The following CLEC11A variants were observed in gnomAD, a reference collection of about 807,000 sequenced individuals.
The protein encoded by CLEC11A is C-type lectin domain family 11 member A.
CLEC11A carries 35 observed loss-of-function variants against 33.9 expected under a neutral mutation model. The ratio of observed to expected loss-of-function variants is 1.03; its 90% confidence interval spans 0.79 to 1.37. The LOEUF is 1.37. CLEC11A is among the 40% of genes most tolerant of loss of function. The pLI is 0.00. For synonymous variants in CLEC11A, 220 were observed against 202.2 expected, an observed-to-expected ratio of 1.09 and a Z score of -0.75; for missense variants, 519 against 455.5, an observed-to-expected ratio of 1.14 and a Z score of -1.27.
At position 50,723,516 on chromosome 19, in the gene CLEC11A, G is replaced by A; in HGVS notation, c.-10G>A. 6.2e-7 allele frequency: 1 copy of A among 1,612,132 alleles called. No individual in the cohort carries two copies. Among genetic ancestry groups the A allele is most frequent in the South Asian group, 1.1e-5 (1 of 90,982 alleles). On this transcript the variant is annotated 5_prime_UTR_variant, in exon 1 of 4. Transcript: ENST00000250340. The surrounding 1 kb of genome is among the most constrained non-coding windows in gnomAD (Gnocchi z 4.1). The stretch of plus-strand genomic sequence containing the variant: ...ACATCTGGAACTTTGGGTGCCAAGA[G>A]TCCAGCTTAATGCAGGCAGCCTGGC...
In CLEC11A at chr19:50,724,297, C is replaced by T. The variant is rs2089166082; in HGVS notation, c.335-113C>T. On this transcript the variant is annotated intron_variant, in intron 2 of 3. Transcript: ENST00000250340. The surrounding 1 kb of genome is among the most constrained non-coding windows in gnomAD (Gnocchi z 4.1). Reference sequence around the variant, plus strand: ...CCTACCTTCCAGGAGTCCGGGGTGCCCCCCCCACCGCCACCCCGCCCTCAG... The same window carrying T: ...CCTACCTTCCAGGAGTCCGGGGTGCTCCCCCCACCGCCACCCCGCCCTCAG... 2 of 1,157,782 alleles carry T rather than the reference C, an allele frequency of 1.7e-6. No individual in the cohort carries two copies. Among genetic ancestry groups the T allele is most frequent in the Non-Finnish European group, 2.4e-6 (2 of 848,698 alleles). The allele number at this position is 1,157,782 out of a possible 1,614,324, so 71.7% of individuals were successfully genotyped here.
rs987055896 is a variant in CLEC11A, at chr19:50,724,909, T to G, written c.527-113T>G. On this transcript the variant is annotated intron_variant, in intron 3 of 3. Transcript: ENST00000250340. This position sits in a 1 kb window ranked among gnomAD's most constrained non-coding sequence, Gnocchi z 4.1. ...TTCTGACCACGCCTCCTCCCAGCCC[T>G]CCCCATGAGTTCCTGGCCCCGCCTC... 13 of 1,345,620 alleles carry G rather than the reference T, an allele frequency of 9.7e-6. No homozygotes were observed. In the Admixed American group the frequency reaches 1.4e-4, roughly 15 times the overall value. 83.4% of individuals were successfully genotyped at this position (1,345,620 alleles called of 1,614,324 possible).
chr19:50,724,832 C>T lies in CLEC11A; in HGVS notation c.527-190C>T. On this transcript the variant is annotated intron_variant, in intron 3 of 3. Coordinates refer to ENST00000250340, the MANE Select transcript of CLEC11A (RefSeq NM_002975.3). The surrounding 1 kb of genome is among the most constrained non-coding windows in gnomAD (Gnocchi z 4.1). The stretch of plus-strand genomic sequence containing the variant: ...ACGCCCCCTACAGTCCAGCTCCCAC[C>T]GCCTGGCCCCGCCCCTGGCGGACCA... 2 of 1,376,336 alleles carry T rather than the reference C, an allele frequency of 1.5e-6. No individual in the cohort carries two copies. The highest frequency in any genetic ancestry group is 1.9e-6 in the Non-Finnish European group (2 of 1,062,936). The allele number at this position is 1,376,336 out of a possible 1,614,324, so 85.3% of individuals were successfully genotyped here. A position where few individuals can be genotyped will look rare whatever the true frequency, so the allele number is the denominator to read the frequency against.
At position 50,725,510 on chromosome 19, in the gene CLEC11A, C is replaced by CT. The variant is rs1568450422; in HGVS notation, c.*46dup. The CT allele has an allele frequency of 2.0e-6, 3 of 1,511,094 alleles. No homozygotes were observed. The East Asian group carries it at 7.2e-5, about 36-fold the overall frequency. 93.6% of individuals were successfully genotyped at this position (1,511,094 alleles called of 1,614,324 possible). A position where few individuals can be genotyped will look rare whatever the true frequency, so the allele number is the denominator to read the frequency against. ...CTCCCTGCCCATCCCACCACCCGGC[C>CT]TTTCCCTGCGCCGTGCCCACCCTCC... On this transcript the variant is annotated 3_prime_UTR_variant, in exon 4 of 4. Transcript: ENST00000250340.
Position 50,724,655 on chromosome 19 carries a change from G to A in CLEC11A, c.526+54G>A, listed in dbSNP as rs1367065074. The A allele has an allele frequency of 2.2e-6, 3 of 1,367,334 alleles. No individual in the cohort carries two copies. The highest frequency in any genetic ancestry group is 3.1e-5 in the African/African-American group (2 of 65,286). The allele number at this position is 1,367,334 out of a possible 1,614,324, so 84.7% of individuals were successfully genotyped here. A position where few individuals can be genotyped will look rare whatever the true frequency, so the allele number is the denominator to read the frequency against. On this transcript the variant is annotated intron_variant, in intron 3 of 3. Coordinates refer to ENST00000250340, the MANE Select transcript of CLEC11A (RefSeq NM_002975.3). The surrounding 1 kb of genome is among the most constrained non-coding windows in gnomAD (Gnocchi z 4.1). Reference sequence around the variant, plus strand: ...AAATGAGACTATCTGGGCCAGGAATGGGACTGGTTGAGAAGGTGACCCTAG... The same window carrying A: ...AAATGAGACTATCTGGGCCAGGAATAGGACTGGTTGAGAAGGTGACCCTAG...
chr19:50,724,162 G>C lies in CLEC11A; in HGVS notation c.334+71G>C. On this transcript the variant is annotated intron_variant, in intron 2 of 3. Coordinates refer to ENST00000250340, the MANE Select transcript of CLEC11A (RefSeq NM_002975.3). The surrounding 1 kb of genome is among the most constrained non-coding windows in gnomAD (Gnocchi z 4.1). ...GTCACTTTCGCAAAAATGAAGGGTCGGTTCACTGCCAAGTGGCCTTTCAGT... is the reference window on the plus strand; with the variant it reads ...GTCACTTTCGCAAAAATGAAGGGTCCGTTCACTGCCAAGTGGCCTTTCAGT... 1 of 1,601,926 alleles carries C rather than the reference G, an allele frequency of 6.2e-7. No homozygotes were observed.
chr19:50,725,077 C>G lies in CLEC11A; in HGVS notation c.582C>G (p.Phe194Leu). The G allele has an allele frequency of 6.6e-7, 1 of 1,521,286 alleles. No individual in the cohort carries two copies. The highest frequency in any genetic ancestry group is 8.8e-7 in the Non-Finnish European group (1 of 1,136,628). The allele number at this position is 1,521,286 out of a possible 1,614,324, so 94.2% of individuals were successfully genotyped here. A position where few individuals can be genotyped will look rare whatever the true frequency, so the allele number is the denominator to read the frequency against. The change falls in exon 4 of 4, where the codon TTC (phenylalanine) becomes TTG (leucine). Residue 194 changes from phenylalanine (F) to leucine (L), a missense_variant. Coordinates refer to ENST00000250340, the MANE Select transcript of CLEC11A (RefSeq NM_002975.3). ...AGTGCTTCCTGCTCTCGCGCGACTTCGAAGCTCAGGCGGCGGCGCAGGCGC... is the reference window on the plus strand; with the variant it reads ...AGTGCTTCCTGCTCTCGCGCGACTTGGAAGCTCAGGCGGCGGCGCAGGCGC... The part of the protein sequence containing the change: ...GHKCFLLSRD[F>L]EAQAAAQARC...
chr19:50,723,535 G>A lies in CLEC11A; in HGVS notation c.10G>A (p.Ala4Thr). 6.2e-7 allele frequency: 1 copy of A among 1,612,354 alleles called. No individual in the cohort carries two copies. The highest frequency in any genetic ancestry group is 8.5e-7 in the Non-Finnish European group (1 of 1,179,976). ...CCAAGAGTCCAGCTTAATGCAGGCA[G>A]CCTGGCTTTTGGGGGCTTTGGTGGT... MQAAWLLGALVVPQ... is the reference protein window; with the variant it reads MQATWLLGALVVPQ... The change falls in exon 1 of 4, where the codon GCC becomes ACC. Residue 4 changes from alanine (A) to threonine (T), a missense_variant. Coordinates refer to ENST00000250340, the MANE Select transcript of CLEC11A (RefSeq NM_002975.3). This position sits in a 1 kb window ranked among gnomAD's most constrained non-coding sequence, Gnocchi z 4.1.
chr19:50,725,651 C>A lies in CLEC11A; in HGVS notation c.*184C>A. Reference sequence around the variant, plus strand: ...GGCACTCCTCCTTGTTAGTGTCTTTCCTTGAAGGGGCGGGCACCAGGCTAG... The same window carrying A: ...GGCACTCCTCCTTGTTAGTGTCTTTACTTGAAGGGGCGGGCACCAGGCTAG... On this transcript the variant is annotated 3_prime_UTR_variant, in exon 4 of 4. Transcript: ENST00000250340. 8.9e-7 allele frequency: 1 copy of A among 1,125,712 alleles called. No individual in the cohort carries two copies. Among genetic ancestry groups the A allele is most frequent in the South Asian group, 1.7e-5 (1 of 58,930 alleles). 69.7% of individuals were successfully genotyped at this position (1,125,712 alleles called of 1,614,324 possible). A position where few individuals can be genotyped will look rare whatever the true frequency, so the allele number is the denominator to read the frequency against.
At position 50,725,151 on chromosome 19, in the gene CLEC11A, A is replaced by T. The variant is rs939980763; in HGVS notation, c.656A>T (p.Gln219Leu). Residue 219 changes from glutamine (Q) to leucine (L), a missense_variant, in exon 4 of 4, where the codon CAG becomes CTG. Transcript: ENST00000250340. The part of the protein sequence containing the change: ...GSLAQPADRQ[Q>L]MEALTRYLRA... ...CTGGCGCAGCCGGCAGACCGCCAGCAGATGGAGGCGCTCACTCGGTACCTG... is the reference window on the plus strand; with the variant it reads ...CTGGCGCAGCCGGCAGACCGCCAGCTGATGGAGGCGCTCACTCGGTACCTG... 2 of 1,561,356 alleles carry T rather than the reference A, an allele frequency of 1.3e-6. No individual in the cohort carries two copies. The highest frequency in any genetic ancestry group is 1.7e-6 in the Non-Finnish European group (2 of 1,154,898).
chr19:50,723,613 G>A lies in CLEC11A; in HGVS notation c.88G>A (p.Glu30Lys). The change falls in exon 1 of 4, where the codon GAG becomes AAG. Residue 30 changes from glutamate to lysine, a missense_variant. Physicochemically the swap from Glu to Lys is moderately conservative, Grantham distance 56 (BLOSUM62 1). Transcript: ENST00000250340. The surrounding 1 kb of genome is among the most constrained non-coding windows in gnomAD (Gnocchi z 4.1). ...GGCTCGGGGAGCAGAGAGGGAGTGG[G>A]AGGGAGGCTGGGGAGGTGCCCAGGA... ...HGARGAEREW[E>K]GGWGGAQEEE... is the part of the protein sequence containing the mutation. 1 of 1,610,438 alleles carries A rather than the reference G, an allele frequency of 6.2e-7. No homozygotes were observed. Among genetic ancestry groups the A allele is most frequent in the Non-Finnish European group, 8.5e-7 (1 of 1,179,078 alleles).
chr19:50,724,727 C>T lies in CLEC11A; in HGVS notation c.526+126C>T. 8.3e-7 allele frequency: 1 copy of T among 1,202,008 alleles called. No homozygotes were observed. The highest frequency in any genetic ancestry group is 1.1e-6 in the Non-Finnish European group (1 of 913,836). 74.5% of individuals were successfully genotyped at this position (1,202,008 alleles called of 1,614,324 possible). A position where few individuals can be genotyped will look rare whatever the true frequency, so the allele number is the denominator to read the frequency against. ...GGGAGAGCTGCTGTGTGCTAGCGGA[C>T]GGGGTTAGAGAGCTGGGAGGCTGAA... On this transcript the variant is annotated intron_variant, in intron 3 of 3. Coordinates refer to ENST00000250340, the MANE Select transcript of CLEC11A (RefSeq NM_002975.3). This position sits in a 1 kb window ranked among gnomAD's most constrained non-coding sequence, Gnocchi z 4.1.
rs577074457 is a variant in CLEC11A, at chr19:50,723,826, G to A, written c.148-79G>A. The A allele has an allele frequency of 1.4e-4, 224 of 1,547,822 alleles. No individual in the cohort carries two copies. The South Asian group carries it at 2.7e-3, about 18-fold the overall frequency. On this transcript the variant is annotated intron_variant, in intron 1 of 3. Transcript: ENST00000250340. The surrounding 1 kb of genome is among the most constrained non-coding windows in gnomAD (Gnocchi z 4.1). ...TCAGAGACAGGACTCAGGCAGCAGA[G>A]AATGAGTTATGAGTTGGAAAGGGGT...
Position 50,725,207 on chromosome 19 carries a change from G to A in CLEC11A, c.712G>A (p.Val238Met), listed in dbSNP as rs747600004. 4.4e-6 allele frequency: 7 copies of A among 1,593,522 alleles called. No homozygotes were observed. The highest frequency in any genetic ancestry group is 1.1e-5 in the South Asian group (1 of 88,408). ...RAALAPYNWP[V>M]WLGVHDRRAE... ...GGCGCTCGCTCCCTACAACTGGCCC[G>A]TGTGGCTGGGCGTGCACGATCGGCG... The change falls in exon 4 of 4, where the codon GTG becomes ATG. Residue 238 changes from valine to methionine, a missense_variant. Transcript: ENST00000250340.
At position 50,724,054 on chromosome 19, in the gene CLEC11A, C is replaced by T. The variant is rs1196664932; in HGVS notation, c.297C>T (p.Ser99=). ...CGCCAACCCCATCCTCCGGCCCCAG[C>T]CCCTCTCCCACCCCTGAGGACATCG... The part of the protein sequence containing the change: ...EATPTPSSGP[S]PSPTPEDIVT... The change falls in exon 2 of 4, where the codon AGC becomes AGT. Residue 99 remains serine, a synonymous_variant. Coordinates refer to ENST00000250340, the MANE Select transcript of CLEC11A (RefSeq NM_002975.3). This position sits in a 1 kb window ranked among gnomAD's most constrained non-coding sequence, Gnocchi z 4.1. 3.1e-6 allele frequency: 5 copies of T among 1,612,916 alleles called. No individual in the cohort carries two copies. The highest frequency in any genetic ancestry group is 4.2e-6 in the Non-Finnish European group (5 of 1,179,092).
chr19:50,725,039 C>A lies in CLEC11A; in HGVS notation c.544C>A (p.Arg182Ser). Residue 182 changes from arginine (R) to serine (S), a missense_variant, in exon 4 of 4, where the codon CGC (arginine) becomes AGC (serine). Transcript: ENST00000250340. Reference protein sequence around the residue: ...GRLEGCLKGLRLGHKCFLLSR... With the variant: ...GRLEGCLKGLSLGHKCFLLSR... ...GCCCACAGGCTGCCTGAAGGGGCTG[C>A]GCCTGGGCCACAAGTGCTTCCTGCT... is the stretch of plus-strand genomic sequence containing the variant. The A allele has an allele frequency of 6.7e-7, 1 of 1,500,214 alleles. No individual in the cohort carries two copies. Among genetic ancestry groups the A allele is most frequent in the Non-Finnish European group, 8.9e-7 (1 of 1,127,862 alleles). The allele number at this position is 1,500,214 out of a possible 1,614,324, so 92.9% of individuals were successfully genotyped here.
At position 50,724,834 on chromosome 19, in the gene CLEC11A, C is replaced by T. The variant is rs1004732288; in HGVS notation, c.527-188C>T. 2.2e-6 allele frequency: 3 copies of T among 1,380,762 alleles called. No individual in the cohort carries two copies. The highest frequency in any genetic ancestry group is 2.8e-6 in the Non-Finnish European group (3 of 1,066,568). 85.5% of individuals were successfully genotyped at this position (1,380,762 alleles called of 1,614,324 possible). A position where few individuals can be genotyped will look rare whatever the true frequency, so the allele number is the denominator to read the frequency against. ...GCCCCCTACAGTCCAGCTCCCACCG[C>T]CTGGCCCCGCCCCTGGCGGACCAGA... On this transcript the variant is annotated intron_variant, in intron 3 of 3. Coordinates refer to ENST00000250340, the MANE Select transcript of CLEC11A (RefSeq NM_002975.3). This position sits in a 1 kb window ranked among gnomAD's most constrained non-coding sequence, Gnocchi z 4.1.
At position 50,725,394 on chromosome 19, in the gene CLEC11A, C is replaced by A; in HGVS notation, c.899C>A (p.Ala300Asp). ...ACGCTCGAGAACTGCGTGGCGCAGGCCTCTGACGACGGCTCCTGGTGGGAC... is the reference window on the plus strand; with the variant it reads ...ACGCTCGAGAACTGCGTGGCGCAGGACTCTGACGACGGCTCCTGGTGGGAC... Reference protein sequence around the residue: ...GGTLENCVAQASDDGSWWDHD... With the variant: ...GGTLENCVAQDSDDGSWWDHD... The change falls in exon 4 of 4, where the codon GCC becomes GAC. Residue 300 changes from alanine (A) to aspartate (D), a missense_variant. Ala to Asp is a moderately radical substitution (Grantham distance 126). Coordinates refer to ENST00000250340, the MANE Select transcript of CLEC11A (RefSeq NM_002975.3). 6.2e-7 allele frequency: 1 copy of A among 1,611,804 alleles called. No homozygotes were observed. Among genetic ancestry groups the A allele is most frequent in the East Asian group, 2.2e-5 (1 of 44,826 alleles).
rs1599880079 is a variant in CLEC11A at position 50,723,417 on chromosome 19, G to T, written c.-109G>T. Reference sequence around the variant, plus strand: ...AAGCTGGGAGAATCGGGAACCTGGGGGCTAGTGACCTGCACACAGGGCAGG... The same window carrying T: ...AAGCTGGGAGAATCGGGAACCTGGGTGCTAGTGACCTGCACACAGGGCAGG... On this transcript the variant is annotated 5_prime_UTR_variant, in exon 1 of 4. Coordinates refer to ENST00000250340, the MANE Select transcript of CLEC11A (RefSeq NM_002975.3). This position sits in a 1 kb window ranked among gnomAD's most constrained non-coding sequence, Gnocchi z 4.1. 9.0e-7 allele frequency: 1 copy of T among 1,111,278 alleles called. No homozygotes were observed. The highest frequency in any genetic ancestry group is 2.4e-5 in the East Asian group (1 of 41,408). 68.8% of individuals were successfully genotyped at this position (1,111,278 alleles called of 1,614,324 possible).
Sources: allele counts gnomAD v4.1 joint callset, GRCh38; gene constraint gnomAD v4.1.1; non-coding constraint Gnocchi (gnomAD v3.1); transcripts MANE v1.5; gene names NCBI Gene and HGNC (gene_info 2026-07-23, HGNC 2026-07-21).